The following FOCAD variants were observed in gnomAD, a reference collection of about 807,000 sequenced individuals.
The protein encoded by FOCAD is focadhesin, also known as KIAA1797.
A neutral mutation model predicts 225.6 loss-of-function variants in FOCAD; 198 were observed. The observed-to-expected ratio is 0.88, with a 90% CI of 0.78 to 0.99. The LOEUF (loss-of-function observed/expected upper bound fraction) is 0.99. Ranked by LOEUF, FOCAD falls within the 50% of genes least tolerant of loss-of-function variation. FOCAD has a pLI of 0.00. For synonymous variants in FOCAD, 897 were observed against 755.0 expected, an observed-to-expected ratio of 1.19 and a Z score of -3.08; for missense variants, 2,713 against 2,123.6, an observed-to-expected ratio of 1.28 and a Z score of -5.46.
At chr9:20,945,819 A>G (rs933027703) in intron 29 of FOCAD, among the ~76,000 whole-genome samples, 2 of 151,966 alleles carry the variant, frequency 1.3e-5, no homozygotes, top group Admixed American at 6.5e-5. Context: ...CTTAGAAACC[A>G]CTTATATTTT....
In FOCAD at chr9:20,815,121, T is replaced by TTG. The variant is rs1429379972; in HGVS notation, c.1456-4673_1456-4672dup. On this transcript the variant is annotated intron_variant, in intron 11 of 43. Transcript: ENST00000338382. ...TATCTGGAAATATCATTACTTCTCT[T>TTG]TGTTTTTTTTTTTTTGTTTTTTTTT... is the stretch of plus-strand genomic sequence containing the variant. Among the ~76,000 whole-genome samples the TTG allele has an allele frequency of 2.6e-3, 186 of 70,884 alleles. 15 individuals carry two copies. Among genetic ancestry groups the TTG allele is most frequent in the Non-Finnish European group, 3.5e-3 (125 of 35,906 alleles). 46.5% of individuals were successfully genotyped at this position (70,884 alleles called of 152,430 possible). A position where few individuals can be genotyped will look rare whatever the true frequency, so the allele number is the denominator to read the frequency against.
At chr9:20,942,561 C>A (rs1173641349) in intron 28 of FOCAD, among the ~76,000 whole-genome samples, 1 of 152,200 alleles carries the variant, frequency 6.6e-6, no homozygotes, top group Non-Finnish European at 1.5e-5. Context: ...AATTTGCCTA[C>A]TACTAAACAT....
intron 21 of FOCAD, among the ~76,000 whole-genome samples, chr9:20,890,876 A>G (rs931381705): frequency 1.3e-5 from 2 of 151,402 alleles, no homozygotes; most frequent in African/African-American, 2.4e-5. Flanking sequence ...TTTTTAATCT[A>G]CCTATCTGTG....
intron 11 of FOCAD, among the ~76,000 whole-genome samples, chr9:20,797,699 A>G (rs563230900): frequency 2.6e-5 from 4 of 152,190 alleles, no homozygotes; most frequent in African/African-American, 7.2e-5. Context: ...TTGATTTTGT[A>G]CCCTGAGACT....
Position 20,665,882 on chromosome 9 carries a change from T to C in FOCAD, c.-78+7056T>C, listed in dbSNP as rs998810726. Reference sequence around the variant, plus strand: ...CCTGTCTCTACTAAAAATACAAAAATTATATATTTTATAATTATATATATA... The same window carrying C: ...CCTGTCTCTACTAAAAATACAAAAACTATATATTTTATAATTATATATATA... On this transcript the variant is annotated intron_variant, in intron 2 of 45. Transcript: ENST00000380249. 2.0e-5 allele frequency among the ~76,000 whole-genome samples: 3 copies of C among 151,524 alleles called. No homozygotes were observed. The East Asian group carries it at 5.8e-4, about 29-fold the overall frequency.
intron 18 of FOCAD, 94 bp downstream of exon 18, chr9:20,867,106 T>G: frequency 1.4e-6 from 1 of 739,814 alleles, no homozygotes; most frequent in Non-Finnish European, 2.3e-6. Flanking sequence ...CTGATGAATA[T>G]ATACATAACC....
chr9:20,655,633 CA>C (rs1278959005), upstream of FOCAD, among the ~76,000 whole-genome samples: 1 of 152,158 alleles, frequency 6.6e-6, no homozygotes, highest in Non-Finnish European at 1.5e-5. Context: ...AGAGATAAGA[CA>C]TTTTTTATTG....
At chr9:20,728,280 A>T (rs973116379) in intron 4 of FOCAD, among the ~76,000 whole-genome samples, 5 of 152,198 alleles carry the variant, frequency 3.3e-5, no homozygotes, top group Non-Finnish European at 5.9e-5. Context: ...GGATATTTGC[A>T]TATATATAAA....
At chr9:20,893,383 C>A (rs1482721782) in intron 21 of FOCAD, among the ~76,000 whole-genome samples, 2 of 152,042 alleles carry the variant, frequency 1.3e-5, no homozygotes, top group Non-Finnish European at 2.9e-5. Flanking sequence ...CTGAGGTGTG[C>A]CTGTACTTCC....
intron 11 of FOCAD, among the ~76,000 whole-genome samples, chr9:20,803,707 G>C (rs1490862298): frequency 6.6e-6 from 1 of 152,088 alleles, no homozygotes; most frequent in Non-Finnish European, 1.5e-5. Flanking sequence ...AGAGTCTAAA[G>C]AGAACTTAAT....
chr9:20,662,652 G>A (rs1023891888), intron 2 of FOCAD, among the ~76,000 whole-genome samples: 1 of 151,766 alleles, frequency 6.6e-6, no homozygotes, highest in African/African-American at 2.4e-5. Flanking sequence ...AGAGGTGGGG[G>A]TCTCATTATA....
intron 18 of FOCAD, among the ~76,000 whole-genome samples, chr9:20,873,123 A>G (rs1250273762): frequency 6.6e-6 from 1 of 152,136 alleles, no homozygotes; most frequent in African/African-American, 2.4e-5. Context: ...TAATAATTCT[A>G]TGAACATTTG....
chr9:20,715,166 G>A (rs1223362401), intron 1 of FOCAD, among the ~76,000 whole-genome samples, 156 bp from the exon 2 acceptor site: 1 of 152,142 alleles, frequency 6.6e-6, no homozygotes, highest in Non-Finnish European at 1.5e-5. Context: ...GGATGACAAT[G>A]AAGTTTTGCC....
rs1421853508 is a variant in FOCAD at position 20,673,447 on chromosome 9, A to C, written c.-78+14621A>C. On this transcript the variant is annotated intron_variant, in intron 2 of 45. Coordinates refer to the FOCAD transcript ENST00000380249. ...CATCATTTATTGTCTTTTTTATTAT[A>C]ACTATCCTGGTAGTGGTATCTAACT... 2.0e-5 allele frequency among the ~76,000 whole-genome samples: 3 copies of C among 152,042 alleles called. No homozygotes were observed. The East Asian group carries it at 5.8e-4, about 29-fold the overall frequency.
At chr9:20,854,681 G>C (rs571275501) in intron 15 of FOCAD, among the ~76,000 whole-genome samples, 2 of 151,696 alleles carry the variant, frequency 1.3e-5, no homozygotes, top group African/African-American at 4.8e-5. Flanking sequence ...CAGCAACAAA[G>C]TATGCATAAC....
chr9:20,711,124 A>G (rs1824813093), intron 1 of FOCAD, among the ~76,000 whole-genome samples: 1 of 152,230 alleles, frequency 6.6e-6, no homozygotes, highest in Non-Finnish European at 1.5e-5. Flanking sequence ...ATAAAGCAAT[A>G]TGATTACTGT....
intron 4 of FOCAD, among the ~76,000 whole-genome samples, chr9:20,734,134 A>G (rs572998409): frequency 1.3e-5 from 2 of 152,390 alleles, no homozygotes; most frequent in Admixed American, 6.5e-5. Context: ...GTCAGTGGTG[A>G]AACTACTTTT....
rs747354418 is a variant in FOCAD at position 20,988,373 on chromosome 9, T to C, written c.4948T>C (p.Tyr1650His). The C allele has an allele frequency of 5.6e-5, 91 of 1,612,286 alleles. No individual in the cohort carries two copies. Among genetic ancestry groups the C allele is most frequent in the Non-Finnish European group, 7.5e-5 (88 of 1,179,172 alleles). Residue 1650 changes from tyrosine to histidine, a missense_variant, in exon 41 of 44, where the codon TAT (tyrosine) becomes CAT (histidine). By Grantham distance (83) the Tyr-to-His change is moderately conservative. Coordinates refer to ENST00000338382, the MANE Select transcript of FOCAD (RefSeq NM_001375567.1). ...GGAGTGGCTCTTGGAACTGATGGGT[T>C]ATATTAGAAATGTTGCTTACCAGTC... is the stretch of plus-strand genomic sequence containing the variant. ...RMEWLLELMGYIRNVAYQSTS... is the reference protein window; with the variant it reads ...RMEWLLELMGHIRNVAYQSTS...
At chr9:20,909,403 A>G (rs1833251692) in intron 22 of FOCAD, among the ~76,000 whole-genome samples, 1 of 152,112 alleles carries the variant, frequency 6.6e-6, no homozygotes, top group Non-Finnish European at 1.5e-5. Flanking sequence ...CCACTGTGAC[A>G]TGTATTTTCC....
Sources: gnomAD v4.1 joint callset for allele counts (sites outside exome capture counted in the v4.1 genomes callset) on GRCh38, gnomAD v4.1.1 for gene constraint, MANE v1.5 for transcripts, NCBI Gene and HGNC (gene_info 2026-07-23, HGNC 2026-07-21) for gene names.